Variants in ADAMTS12 observed in about 807,000 individuals in gnomAD.
ADAMTS12 encodes A disintegrin and metalloproteinase with thrombospondin motifs 12.
In ADAMTS12, 118 loss-of-function variants were observed where a neutral mutation model predicts 167.8. The ratio of observed to expected loss-of-function variants is 0.70; its 90% CI spans 0.61 to 0.82. The LOEUF (loss-of-function observed/expected upper bound fraction) is 0.82. ADAMTS12 is among the 40% of genes least tolerant of loss of function. The pLI is 0.00. For missense variants in ADAMTS12, 1,916 were observed against 1,998.8 expected, an observed-to-expected ratio of 0.96 and a Z score of 0.79; for synonymous variants, 704 against 716.9, an observed-to-expected ratio of 0.98 and a Z score of 0.29.
At chr5:33,802,082 T>A (rs920207359) in intron 2 of ADAMTS12, among the ~76,000 whole-genome samples, 1 of 152,180 alleles carries the variant, frequency 6.6e-6, no homozygotes, top group Admixed American at 6.5e-5. Flanking sequence ...AAGGTTACAG[T>A]GAGAAGGCAC....
intron 7 of ADAMTS12, among the ~76,000 whole-genome samples, chr5:33,650,438 A>G (rs1275367328): frequency 6.6e-6 from 1 of 152,218 alleles, no homozygotes; most frequent in African/African-American, 2.4e-5. Context: ...ATTTTTTTAA[A>G]AAAACATTCT....
At chr5:33,738,170 G>A (rs1470913528) in intron 3 of ADAMTS12, among the ~76,000 whole-genome samples, 1 of 152,142 alleles carries the variant, frequency 6.6e-6, no homozygotes, top group Admixed American at 6.5e-5. Flanking sequence ...GGGGCTACCT[G>A]GGGTCTTTGG....
intron 19 of ADAMTS12, among the ~76,000 whole-genome samples, chr5:33,566,187 G>T (rs1472001683): frequency 1.3e-5 from 2 of 152,188 alleles, no homozygotes; most frequent in Admixed American, 6.5e-5. Flanking sequence ...AACCCAAATT[G>T]AATAGTGGTT....
At chr5:33,642,102 A>C in intron 10 of ADAMTS12, 147 bp from the exon 11 acceptor site, 7 of 790,066 alleles carry the variant, frequency 8.9e-6, no homozygotes, top group Non-Finnish European at 1.3e-5. Context: ...ACAGGGGCTC[A>C]TATAAGTTTC....
intron 3 of ADAMTS12, among the ~76,000 whole-genome samples, chr5:33,725,029 C>T (rs1743931633): frequency 6.6e-6 from 1 of 152,150 alleles, no homozygotes; most frequent in Admixed American, 6.5e-5. Context: ...CCCTGCCTTC[C>T]CCATTTCATG....
intron 3 of ADAMTS12, among the ~76,000 whole-genome samples, chr5:33,710,011 A>G (rs1308593011): frequency 6.6e-6 from 1 of 152,166 alleles, no homozygotes; most frequent in East Asian, 1.9e-4. Context: ...TAATGGTTAC[A>G]ATCACTTAAA....
intron 10 of ADAMTS12, 135 bp from the exon 11 acceptor site, chr5:33,642,090 A>C: frequency 1.2e-6 from 1 of 847,672 alleles, no homozygotes; most frequent in East Asian, 2.7e-5. Context: ...GATGTAAAAC[A>C]AACAGGGGCT....
Position 33,804,745 on chromosome 5 carries a change from G to T in ADAMTS12, c.490-53197C>A, listed in dbSNP as rs1387517171. Reference sequence around the variant, plus strand: ...CCTAAGGCAGTGAGGTGGGTGAAGGGTGGCATCAGAATCATTCAGAAATTT... The same window carrying T: ...CCTAAGGCAGTGAGGTGGGTGAAGGTTGGCATCAGAATCATTCAGAAATTT... On this transcript the variant is annotated intron_variant, in intron 2 of 23. Transcript: ENST00000504830. Among the ~76,000 whole-genome samples, 23 of 152,306 alleles carry T rather than the reference G, an allele frequency of 1.5e-4. 1 individual carries two copies. The South Asian group carries it at 2.7e-3, about 18-fold the overall frequency.
rs756126673 is a variant in ADAMTS12 at position 33,561,106 on chromosome 5, GCA to G, written c.4044_4045del (p.Ala1349GlyfsTer6). 5.6e-6 allele frequency: 9 copies of G among 1,614,086 alleles called. No homozygotes were observed. The highest frequency in any genetic ancestry group is 4.2e-6 in the Non-Finnish European group (5 of 1,180,004). On this transcript the variant is annotated frameshift_variant, in exon 20 of 24. Transcript: ENST00000504830. LOFTEE classifies it high-confidence loss of function. The stretch of plus-strand genomic sequence containing the variant: ...TGCAGGGTCAGGTCTCTGGATGGCC[GCA>G]CAGTCAGAATCCATCTGGGTGCTGC...
At chr5:33,784,460 A>C (rs1746258759) in intron 2 of ADAMTS12, among the ~76,000 whole-genome samples, 1 of 152,016 alleles carries the variant, frequency 6.6e-6, no homozygotes, top group Admixed American at 6.6e-5. Context: ...AGGAAACTTC[A>C]AAAAACTTAC....
intron 2 of ADAMTS12, among the ~76,000 whole-genome samples, chr5:33,798,548 C>T (rs1045899767): frequency 3.4e-5 from 5 of 145,368 alleles, no homozygotes; most frequent in Admixed American, 2.9e-4. Context: ...TTAAGTGATT[C>T]TCCCACCTCA....
At chr5:33,707,329 C>A (rs955711019) in intron 3 of ADAMTS12, among the ~76,000 whole-genome samples, 2 of 151,654 alleles carry the variant, frequency 1.3e-5, no homozygotes, top group African/African-American at 4.8e-5. Flanking sequence ...AAACACATTC[C>A]ATGCTCATGG....
chr5:33,685,127 G>T (rs1742277430), intron 3 of ADAMTS12, among the ~76,000 whole-genome samples: 1 of 152,182 alleles, frequency 6.6e-6, no homozygotes, highest in African/African-American at 2.4e-5. Context: ...AACACTTCCT[G>T]CCTCTCCCTC....
chr5:33,614,304 C>A lies in ADAMTS12; in HGVS notation c.2461G>T (p.Val821Phe). ...TIQKDGLDND[V>F]EQQMYFWQYG... Reference sequence around the variant, plus strand: ...TGCCAGAAGTACATCTGCTGCTCAACATCATTGTCAAGGCCATCTTTCTGG... The same window carrying A: ...TGCCAGAAGTACATCTGCTGCTCAAAATCATTGTCAAGGCCATCTTTCTGG... The change falls in exon 16 of 24, where the codon GTT (valine) becomes TTT (phenylalanine). Residue 821 changes from valine (V) to phenylalanine (F), a missense_variant. Physicochemically the swap from Val to Phe is conservative, Grantham distance 50. Transcript: ENST00000504830. 6.2e-7 allele frequency: 1 copy of A among 1,614,174 alleles called. No homozygotes were observed. Among genetic ancestry groups the A allele is most frequent in the Non-Finnish European group, 8.5e-7 (1 of 1,180,016 alleles).
intron 19 of ADAMTS12, among the ~76,000 whole-genome samples, chr5:33,572,115 C>G (rs1170088963): frequency 6.6e-6 from 1 of 152,014 alleles, no homozygotes; most frequent in Non-Finnish European, 1.5e-5. Flanking sequence ...AATAGCTTAC[C>G]AACCAAAAAG....
At position 33,624,191 on chromosome 5, in the gene ADAMTS12, T is replaced by C. The variant is rs765104070; in HGVS notation, c.2143+40A>G. 8 of 1,612,242 alleles carry C rather than the reference T, an allele frequency of 5.0e-6. No individual in the cohort carries two copies. The East Asian group carries it at 1.8e-4, about 36-fold the overall frequency. On this transcript the variant is annotated intron_variant, in intron 14 of 23. Coordinates refer to ENST00000504830, the MANE Select transcript of ADAMTS12 (RefSeq NM_030955.4). The stretch of plus-strand genomic sequence containing the variant: ...TCAACCATTTATCTTGCCCCCCACC[T>C]TTGGTCCCCTGCCACTTCGATTATT...
intron 2 of ADAMTS12, among the ~76,000 whole-genome samples, chr5:33,792,387 A>T (rs759689637): frequency 6.6e-6 from 1 of 152,232 alleles, no homozygotes; most frequent in African/African-American, 2.4e-5. Flanking sequence ...ATGTCACGTA[A>T]CTGGCTCCCC....
At chr5:33,709,158 A>G (rs970219227) in intron 3 of ADAMTS12, among the ~76,000 whole-genome samples, 2 of 152,214 alleles carry the variant, frequency 1.3e-5, no homozygotes, top group Non-Finnish European at 2.9e-5. Context: ...ATGAGATACC[A>G]TCTCAGGCCA....
At chr5:33,540,886 G>T (rs935297012) in intron 22 of ADAMTS12, among the ~76,000 whole-genome samples, 1 of 152,226 alleles carries the variant, frequency 6.6e-6, no homozygotes, top group African/African-American at 2.4e-5. Flanking sequence ...AGAAACCAGA[G>T]CAGAAAAGGT....
Sources: allele counts gnomAD v4.1 joint callset (sites outside exome capture counted in the v4.1 genomes callset), GRCh38; gene constraint gnomAD v4.1.1; transcripts MANE v1.5; gene names NCBI Gene and HGNC (gene_info 2026-07-23, HGNC 2026-07-21).